MAP3K5: variants seen among roughly 807,000 people sequenced by gnomAD.
MAP3K5 encodes ASK-1.
A neutral mutation model predicts 158.7 loss-of-function variants in MAP3K5; 56 were observed. The observed-to-expected ratio is 0.35, with a 90% CI of 0.28 to 0.44. MAP3K5 has a LOEUF of 0.44. Among genes scored for constraint, MAP3K5 ranks in the 20% least tolerant of loss-of-function variants. The probability of loss-of-function intolerance (pLI) is 1.00; values close to 1 mark genes in which losing one functional copy is unlikely to be tolerated. For missense variants in MAP3K5, 1,294 were observed against 1,674.8 expected (o/e 0.77, Z 3.97); for synonymous variants, 579 against 601.7 (o/e 0.96, Z 0.55).
intron 21 of MAP3K5, among the ~76,000 whole-genome samples, chr6:136,593,546 G>A (rs1400394152): frequency 6.6e-6 from 1 of 152,068 alleles, no homozygotes; most frequent in Non-Finnish European, 1.5e-5. Flanking sequence ...CAGGTCTGGA[G>A]GACAGCTAGT....
intron 1 of MAP3K5, among the ~76,000 whole-genome samples, chr6:136,730,775 T>C (rs1417941420): frequency 2.7e-5 from 4 of 145,600 alleles, no homozygotes; most frequent in African/African-American, 1.0e-4. Context: ...ACTGAAACAG[T>C]GAATGTAGAT....
At chr6:136,699,541 C>G (rs1401957668) in intron 3 of MAP3K5, among the ~76,000 whole-genome samples, 3 of 152,218 alleles carry the variant, frequency 2.0e-5, no homozygotes, top group Non-Finnish European at 4.4e-5. Context: ...TCTCTAACCT[C>G]AGCCCTGCCA....
At chr6:136,655,707 AGTGTGTGT>A (rs61536898) in intron 10 of MAP3K5, among the ~76,000 whole-genome samples, 22,308 of 149,946 alleles carry the variant, frequency 0.15, 1,675 homozygotes, top group East Asian at 0.26. Context: ...ATTTTTTTAA[AGTGTGTGT>A]GTGTGTGTGT....
At chr6:136,739,875 T>C (rs17654215) in intron 1 of MAP3K5, among the ~76,000 whole-genome samples, 7,885 of 152,276 alleles carry the variant, frequency 0.052, 307 homozygotes, top group Non-Finnish European at 0.079. Context: ...AGTGTCCTGG[T>C]TGGGCCCTAA....
chr6:136,566,606 T>C (rs74893674), intron 26 of MAP3K5, among the ~76,000 whole-genome samples: 3,167 of 152,314 alleles, frequency 0.021, 59 homozygotes, highest in East Asian at 0.073. Context: ...ATAGTAGAGA[T>C]GGCAAGAGCT....
At chr6:136,606,558 T>A (rs1328238684) in intron 18 of MAP3K5, among the ~76,000 whole-genome samples, 1 of 152,186 alleles carries the variant, frequency 6.6e-6, no homozygotes, top group Non-Finnish European at 1.5e-5. Context: ...GATTTGAACT[T>A]CGAATACCCC....
intron 1 of MAP3K5, among the ~76,000 whole-genome samples, chr6:136,748,545 G>A (rs1218863982): frequency 1.3e-5 from 2 of 152,084 alleles, no homozygotes; most frequent in South Asian, 4.1e-4. Context: ...AGTGTTCTTC[G>A]CAAAACATAT....
chr6:136,590,341 A>T (rs1775327196), intron 23 of MAP3K5, among the ~76,000 whole-genome samples: 1 of 152,172 alleles, frequency 6.6e-6, no homozygotes, highest in Non-Finnish European at 1.5e-5. Flanking sequence ...GCAAACTATT[A>T]TACCAAGGAA....
At position 136,792,272 on chromosome 6, in the gene MAP3K5, C is replaced by A; in HGVS notation, c.-115G>T. On this transcript the variant is annotated 5_prime_UTR_variant, in exon 1 of 30. Transcript: ENST00000359015. The surrounding 1 kb of genome is among the most constrained non-coding windows in gnomAD (Gnocchi z 5.7). The stretch of plus-strand genomic sequence containing the variant: ...GGGCTAAGCAGCTGCCATCGCGCGC[C>A]GCGCCCTCGCCGCCGCGCCGCCGCC... The A allele has an allele frequency of 8.6e-7, 1 of 1,156,548 alleles. No homozygotes were observed. Among genetic ancestry groups the A allele is most frequent in the South Asian group, 4.1e-5 (1 of 24,280 alleles). The allele number at this position is 1,156,548 out of a possible 1,614,324, so 71.6% of individuals were successfully genotyped here. A position where few individuals can be genotyped will look rare whatever the true frequency, so the allele number is the denominator to read the frequency against.
At chr6:136,767,257 G>A (rs1430178559) in intron 1 of MAP3K5, among the ~76,000 whole-genome samples, 2 of 151,736 alleles carry the variant, frequency 1.3e-5, no homozygotes, top group East Asian at 1.9e-4. Context: ...CTAAACCCAC[G>A]GGAAAGAGGG....
intron 21 of MAP3K5, among the ~76,000 whole-genome samples, chr6:136,599,150 C>T (rs1475878614): frequency 1.6e-5 from 2 of 121,270 alleles, no homozygotes; most frequent in South Asian, 3.0e-4. Flanking sequence ...CAGCCTAGGA[C>T]TCCGTCTCAA....
In MAP3K5 at chr6:136,790,784, C is replaced by G. The variant is rs112077612; in HGVS notation, c.448+926G>C. 9.2e-5 allele frequency among the ~76,000 whole-genome samples: 14 copies of G among 152,312 alleles called. 1 individual carries two copies. The highest frequency in any genetic ancestry group is 3.4e-4 in the African/African-American group (14 of 41,578). On this transcript the variant is annotated intron_variant, in intron 1 of 29. Transcript: ENST00000359015. The stretch of plus-strand genomic sequence containing the variant: ...GTAAACATAAATATGTATATATTCT[C>G]AACACTGGACGTACAGGGGACTAAA...
intron 2 of MAP3K5, among the ~76,000 whole-genome samples, chr6:136,717,717 C>A (rs1359354752): frequency 6.6e-6 from 1 of 152,146 alleles, no homozygotes; most frequent in African/African-American, 2.4e-5. Flanking sequence ...AAAATACACA[C>A]ACACACCAAC....
intron 1 of MAP3K5, among the ~76,000 whole-genome samples, chr6:136,770,878 T>C (rs1784170240): frequency 6.6e-6 from 1 of 152,120 alleles, no homozygotes; most frequent in Non-Finnish European, 1.5e-5. Context: ...ACACAAAAAT[T>C]ATCATAAACA....
chr6:136,574,343 C>T (rs1774504140), intron 25 of MAP3K5, among the ~76,000 whole-genome samples: 1 of 152,194 alleles, frequency 6.6e-6, no homozygotes, highest in Non-Finnish European at 1.5e-5. Flanking sequence ...CAATGCTGTT[C>T]AATTCACATT....
chr6:136,560,624 G>T (rs1830465205), intron 28 of MAP3K5, among the ~76,000 whole-genome samples: 1 of 152,090 alleles, frequency 6.6e-6, no homozygotes, highest in African/African-American at 2.4e-5. Flanking sequence ...CTGCCCAGTG[G>T]AATCTAATAA....
rs531617014 is a variant in MAP3K5 at position 136,664,216 on chromosome 6, G to A, written c.1367-4838C>T. Among the ~76,000 whole-genome samples the A allele has an allele frequency of 2.7e-4, 41 of 152,180 alleles. 2 individuals are homozygous for A. In the South Asian group the frequency reaches 7.3e-3, roughly 27 times the overall value. On this transcript the variant is annotated intron_variant, in intron 8 of 29. Coordinates refer to ENST00000359015, the MANE Select transcript of MAP3K5 (RefSeq NM_005923.4). ...GCGTGAACACTATTGTGAACTGCGC[G>A]TGCAAGGGATGTAGGTTGTGCGCTC... is the stretch of plus-strand genomic sequence containing the variant.
chr6:136,674,381 TAC>T (rs1460730599), intron 7 of MAP3K5, among the ~76,000 whole-genome samples: 2 of 152,006 alleles, frequency 1.3e-5, no homozygotes, highest in Non-Finnish European at 2.9e-5. Context: ...AGCAGTAAAA[TAC>T]AAAATGTAAG....
intron 11 of MAP3K5, among the ~76,000 whole-genome samples, chr6:136,646,800 C>A (rs1190701743): frequency 6.6e-6 from 1 of 152,196 alleles, no homozygotes; most frequent in Non-Finnish European, 1.5e-5. Flanking sequence ...TATTGCACTG[C>A]ACTTTAAAGC....
Sources: gnomAD v4.1 joint callset for allele counts (sites outside exome capture counted in the v4.1 genomes callset) on GRCh38, gnomAD v4.1.1 for gene constraint, Gnocchi (gnomAD v3.1) non-coding constraint, MANE v1.5 for transcripts, NCBI Gene and HGNC (gene_info 2026-07-23, HGNC 2026-07-21) for gene names.